ARID5B: variants seen among roughly 807,000 people sequenced by gnomAD.
ARID5B encodes AT-rich interaction domain 5B.
A neutral mutation model predicts 97.2 loss-of-function variants in ARID5B; 13 were observed. That is an observed-to-expected ratio of 0.13 (90% CI 0.09 to 0.21). The LOEUF is 0.21. ARID5B is among the 10% of genes least tolerant of loss of function. ARID5B has a pLI of 1.00. For missense variants in ARID5B, 1,210 were observed against 1,465.3 expected (o/e 0.83, Z 2.84); for synonymous variants, 556 against 570.3 (o/e 0.97, Z 0.36).
intron 2 of ARID5B, among the ~76,000 whole-genome samples, chr10:61,930,722 A>AAAAT (rs55665606): frequency 0.021 from 2,885 of 140,416 alleles, 66 homozygotes; most frequent in African/African-American, 0.044. Context: ...TCCGCCTCAA[A>AAAAT]AAATAAATAA....
rs553911615 is a variant in ARID5B at position 62,018,195 on chromosome 10, G to T, written c.733+17874G>T. 3.3e-4 allele frequency among the ~76,000 whole-genome samples: 50 copies of T among 152,234 alleles called. No individual in the cohort carries two copies. The South Asian group carries it at 9.3e-3, about 28-fold the overall frequency. ...GATTATCTAAGTCCCTGACTTCCTG[G>T]GCAGACCTCCTCTCCCTTCGTTTGA... On this transcript the variant is annotated intron_variant, in intron 4 of 9. Coordinates refer to ENST00000279873, the MANE Select transcript of ARID5B (RefSeq NM_032199.3).
intron 4 of ARID5B, among the ~76,000 whole-genome samples, chr10:62,038,598 G>T (rs1223726931): frequency 6.6e-6 from 1 of 152,144 alleles, no homozygotes; most frequent in Admixed American, 6.5e-5. Context: ...TGAAGTCATT[G>T]TATTGCAGAA....
At chr10:62,064,742 A>G (rs1839964001) in intron 7 of ARID5B, among the ~76,000 whole-genome samples, 2 of 119,944 alleles carry the variant, frequency 1.7e-5, no homozygotes, top group African/African-American at 2.6e-5. Flanking sequence ...TCTAAAGACA[A>G]TTTATTTTTT....
Position 62,000,397 on chromosome 10 carries a change from G to T in ARID5B, c.733+76G>T. On this transcript the variant is annotated intron_variant, in intron 4 of 9. Transcript: ENST00000279873. This position sits in a 1 kb window ranked among gnomAD's most constrained non-coding sequence, Gnocchi z 4.4. ...TTGTTTTCAGTTCTTCTGAAGAGCG[G>T]TGATGGGGAACGGGGCTCACTTTCA... The T allele has an allele frequency of 7.4e-7, 1 of 1,355,852 alleles. No individual in the cohort carries two copies. The highest frequency in any genetic ancestry group is 1.3e-5 in the South Asian group (1 of 75,468). 84.0% of individuals were successfully genotyped at this position (1,355,852 alleles called of 1,614,324 possible).
intron 3 of ARID5B, among the ~76,000 whole-genome samples, chr10:61,940,948 TATATATATATATATATA>T (rs1343992083): frequency 2.6e-3 from 31 of 11,938 alleles, no homozygotes; most frequent in Non-Finnish European, 6.1e-3. Context: ...TATATATATA[TATATATATATATATATA>T]TTTTTTTTTT....
chr10:62,080,910 C>T (rs9414759), intron 8 of ARID5B, among the ~76,000 whole-genome samples: 20,234 of 151,924 alleles, frequency 0.13, 1,506 homozygotes, highest in African/African-American at 0.17. Context: ...TCAGCTTCTG[C>T]CACTGGGGTT....
intron 2 of ARID5B, among the ~76,000 whole-genome samples, chr10:61,908,623 C>T (rs964865975): frequency 2.0e-5 from 3 of 151,808 alleles, no homozygotes; most frequent in African/African-American, 7.3e-5. Context: ...CATGGTGAAA[C>T]CCCGTCTCTA....
intron 9 of ARID5B, among the ~76,000 whole-genome samples, chr10:62,087,265 C>G (rs10995030): frequency 0.8 from 102,830 of 128,804 alleles, 41,141 homozygotes; most frequent in Middle Eastern, 0.93. Context: ...GGCCACTGCA[C>G]TCCAGCCTGG....
intron 3 of ARID5B, among the ~76,000 whole-genome samples, chr10:61,991,198 T>C (rs1169721141): frequency 6.6e-6 from 1 of 152,244 alleles, no homozygotes; most frequent in African/African-American, 2.4e-5. Context: ...TTGTTTTTAA[T>C]TCTTTGGAGT....
At chr10:61,992,069 G>A (rs1838933448) in intron 3 of ARID5B, among the ~76,000 whole-genome samples, 1 of 151,998 alleles carries the variant, frequency 6.6e-6, no homozygotes, top group South Asian at 2.1e-4. Context: ...TCTAGCCAAA[G>A]TTTAACCCAT....
At chr10:61,980,755 A>T (rs746669419) in intron 3 of ARID5B, among the ~76,000 whole-genome samples, 1 of 152,214 alleles carries the variant, frequency 6.6e-6, no homozygotes, top group Non-Finnish European at 1.5e-5. Context: ...GGCAAACCCA[A>T]GATGGGCCCC....
chr10:62,072,708 C>T (rs760711449), intron 8 of ARID5B, among the ~76,000 whole-genome samples: 10 of 152,210 alleles, frequency 6.6e-5, no homozygotes, highest in East Asian at 1.9e-4. Flanking sequence ...CAGATGCAAC[C>T]GCTAACTACC....
At chr10:61,938,677 T>A (rs149983002) in intron 2 of ARID5B, among the ~76,000 whole-genome samples, 23 of 152,168 alleles carry the variant, frequency 1.5e-4, no homozygotes, top group Non-Finnish European at 2.4e-4. Flanking sequence ...GAGCGCACGA[T>A]AGAAACACAG....
At chr10:61,989,539 T>C (rs895439715) in intron 3 of ARID5B, among the ~76,000 whole-genome samples, 1 of 152,238 alleles carries the variant, frequency 6.6e-6, no homozygotes, top group Non-Finnish European at 1.5e-5. Flanking sequence ...TGATTAACTA[T>C]AATTAGAAGA....
At chr10:62,002,403 G>T (rs930857675) in intron 4 of ARID5B, among the ~76,000 whole-genome samples, 2 of 152,104 alleles carry the variant, frequency 1.3e-5, no homozygotes, top group African/African-American at 2.4e-5. Context: ...TGGAATAAAG[G>T]TACCTTTAGA....
intron 4 of ARID5B, among the ~76,000 whole-genome samples, chr10:62,015,486 G>A (rs144445712): frequency 7.9e-4 from 120 of 152,284 alleles, no homozygotes; most frequent in African/African-American, 2.6e-3. Context: ...TAATGATTAT[G>A]AGAATCTGAC....
In ARID5B at chr10:61,953,156, G is replaced by A. The variant is rs537254956; in HGVS notation, c.502+12748G>A. ...AAAATGGTTGCTTGCTAATTATGGT[G>A]GAAGATATTCTCCATCTTCCAACTA... is the stretch of plus-strand genomic sequence containing the variant. On this transcript the variant is annotated intron_variant, in intron 3 of 9. Transcript: ENST00000279873. 3.4e-3 allele frequency among the ~76,000 whole-genome samples: 516 copies of A among 152,106 alleles called. 1 individual carries two copies. The highest frequency in any genetic ancestry group is 0.01 in the South Asian group (50 of 4,814).
intron 3 of ARID5B, among the ~76,000 whole-genome samples, chr10:61,941,541 T>A (rs1246102417): frequency 3.9e-5 from 6 of 152,050 alleles, no homozygotes; most frequent in South Asian, 4.1e-4. Context: ...AACCCAGAAC[T>A]TAACTATTAC....
At chr10:61,919,833 G>A (rs1326829517) in intron 2 of ARID5B, among the ~76,000 whole-genome samples, 1 of 151,936 alleles carries the variant, frequency 6.6e-6, no homozygotes, top group Non-Finnish European at 1.5e-5. Context: ...GAGGGCTCTA[G>A]TAAAAAGACT....
Sources: allele counts gnomAD v4.1 joint callset (sites outside exome capture counted in the v4.1 genomes callset), GRCh38; gene constraint gnomAD v4.1.1; non-coding constraint Gnocchi (gnomAD v3.1); transcripts MANE v1.5; gene names NCBI Gene and HGNC (gene_info 2026-07-23, HGNC 2026-07-21).